The following ANAPC11 variants were observed in gnomAD, a reference collection of about 807,000 sequenced individuals.
ANAPC11 encodes anaphase promoting complex subunit 11.
ANAPC11 carries 5 observed loss-of-function variants against 11.8 expected under a neutral mutation model. The observed-to-expected ratio is 0.42, with a 90% confidence interval of 0.22 to 0.89. The LOEUF is 0.89. Ranked by LOEUF, ANAPC11 falls within the 40% of genes least tolerant of loss-of-function variation. The probability of loss-of-function intolerance (pLI) is 0.28; values close to 1 mark genes in which losing one functional copy is unlikely to be tolerated. For synonymous variants in ANAPC11, 45 were observed against 41.0 expected, an observed-to-expected ratio of 1.10 and a Z score of -0.38; for missense variants, 68 against 112.9, an observed-to-expected ratio of 0.60 and a Z score of 1.80.
intron 1 of ANAPC11, among the ~76,000 whole-genome samples, chr17:81,892,514 C>T (rs2039576537): frequency 6.7e-6 from 1 of 148,934 alleles, no homozygotes; most frequent in Non-Finnish European, 1.5e-5. Context: ...ACCAGTGTGC[C>T]ATTTCATTGA....
chr17:81,894,706 T>A, intron 3 of ANAPC11, 120 bp downstream of exon 3: 1 of 478,144 alleles, frequency 2.1e-6, no homozygotes, highest in Non-Finnish European at 3.5e-6. Flanking sequence ...AAATACCCAG[T>A]TTCATTTTCT....
At chr17:81,895,957 T>G (rs911820004) in intron 3 of ANAPC11, among the ~76,000 whole-genome samples, 1 of 151,848 alleles carries the variant, frequency 6.6e-6, no homozygotes, top group Non-Finnish European at 1.5e-5. Flanking sequence ...AAAAAAAGAT[T>G]AGTTTAAACT....
At chr17:81,891,223 C>T, upstream of ANAPC11, 1 of 1,027,624 alleles carries the variant, frequency 9.7e-7, no homozygotes, top group South Asian at 3.5e-5. Flanking sequence ...CTCCACCAGC[C>T]TTATCCACCC....
At chr17:81,893,871 A>G (rs2039640208) in intron 2 of ANAPC11, among the ~76,000 whole-genome samples, 1 of 148,892 alleles carries the variant, frequency 6.7e-6, no homozygotes, top group African/African-American at 2.5e-5. Context: ...TGCTGGGATC[A>G]CAGGTGTGAG....
chr17:81,899,507 A>G (rs2039864909), intron 3 of ANAPC11: 2 of 1,613,846 alleles, frequency 1.2e-6, no homozygotes, highest in African/African-American at 2.7e-5. Flanking sequence ...TTGGCATCAC[A>G]GATCAAGTGT....
At chr17:81,899,371 G>A (rs1176033809) in intron 3 of ANAPC11, 1 of 1,613,856 alleles carries the variant, frequency 6.2e-7, no homozygotes, top group Non-Finnish European at 8.5e-7. Flanking sequence ...CAGCACACCG[G>A]ATCCCTGATG....
rs938872984 is a variant in ANAPC11, at chr17:81,899,754, A to G, written c.110-166A>G. 7 of 958,508 alleles carry G rather than the reference A, an allele frequency of 7.3e-6. No homozygotes were observed. The Admixed American group carries it at 8.6e-5, about 12-fold the overall frequency. The allele number at this position is 958,508 out of a possible 1,614,324, so 59.4% of individuals were successfully genotyped here. A position where few individuals can be genotyped will look rare whatever the true frequency, so the allele number is the denominator to read the frequency against. On this transcript the variant is annotated intron_variant, in intron 3 of 3. Coordinates refer to ENST00000344877, the MANE Select transcript of ANAPC11 (RefSeq NM_001002248.3). Reference sequence around the variant, plus strand: ...GTCTTCGCCTGGGGGCGGGCTGGTCAGGAGACCGATTGGGTAACACTCCTG... The same window carrying G: ...GTCTTCGCCTGGGGGCGGGCTGGTCGGGAGACCGATTGGGTAACACTCCTG...
Position 81,891,778 on chromosome 17 carries a change from T to G in ANAPC11, c.-138T>G. The G allele has an allele frequency of 3.1e-6, 1 of 324,952 alleles. No individual in the cohort carries two copies. Among genetic ancestry groups the G allele is most frequent in the Non-Finnish European group, 5.3e-6 (1 of 189,658 alleles). The allele number at this position is 324,952 out of a possible 1,614,324, so 20.1% of individuals were successfully genotyped here. The stretch of plus-strand genomic sequence containing the variant: ...GCTGTTGAGGGAGTCGGGCCGCGAC[T>G]GTGGTCGTTTTTATACCTTCCCGCG... On this transcript the variant is annotated 5_prime_UTR_variant, in exon 1 of 4. Coordinates refer to ENST00000344877, the MANE Select transcript of ANAPC11 (RefSeq NM_001002248.3).
intron 1 of ANAPC11, chr17:81,893,273 T>C (rs1312495765): frequency 6.6e-6 from 1 of 152,208 alleles, no homozygotes; most frequent in Admixed American, 6.5e-5. Flanking sequence ...TTTGTATTTT[T>C]AGTAGAGACA....
At chr17:81,896,675 T>G (rs926610694) in intron 3 of ANAPC11, among the ~76,000 whole-genome samples, 1 of 152,076 alleles carries the variant, frequency 6.6e-6, no homozygotes, top group African/African-American at 2.4e-5. Flanking sequence ...GCCAGGTGCA[T>G]GCCCATATTG....
chr17:81,899,777 C>G, intron 3 of ANAPC11, 143 bp from the exon 4 acceptor site: 2 of 1,005,708 alleles, frequency 2.0e-6, no homozygotes, highest in South Asian at 1.7e-5. Flanking sequence ...GGTAACACTC[C>G]TGATTTCGGC....
At chr17:81,891,629 C>G (rs762748230), upstream of ANAPC11, 60 of 1,331,312 alleles carry the variant, frequency 4.5e-5, no homozygotes, top group Non-Finnish European at 5.6e-5. Flanking sequence ...TCCGGCGCCG[C>G]GTGAGGCCTT....
rs1159628815 is a variant in ANAPC11, at chr17:81,891,737, G to C, written c.-179G>C. 1.9e-6 allele frequency: 1 copy of C among 540,058 alleles called. No individual in the cohort carries two copies. Among genetic ancestry groups the C allele is most frequent in the African/African-American group, 2.1e-5 (1 of 47,934 alleles). 33.5% of individuals were successfully genotyped at this position (540,058 alleles called of 1,614,324 possible). ...CGGGGAGGCGCGTGCGCACTGGCGT[G>C]CGAGACTCGGCGGGCGCTGTTGAGG... On this transcript the variant is annotated 5_prime_UTR_variant, in exon 1 of 4. Transcript: ENST00000344877.
intron 3 of ANAPC11, chr17:81,899,642 G>T: frequency 7.4e-7 from 1 of 1,354,964 alleles, no homozygotes; most frequent in Non-Finnish European, 1.0e-6. Flanking sequence ...GCTCCCCACT[G>T]AGCATGATGA....
chr17:81,893,259 A>C (rs1486340785), intron 1 of ANAPC11: 1 of 151,940 alleles, frequency 6.6e-6, no homozygotes, highest in Non-Finnish European at 1.5e-5. Flanking sequence ...CACCCGGCTA[A>C]TTTTTTGTAT....
chr17:81,896,868 A>G (rs569526408), intron 3 of ANAPC11, among the ~76,000 whole-genome samples: 300 of 122,100 alleles, frequency 2.5e-3, no homozygotes, highest in African/African-American at 9.2e-3. Flanking sequence ...ACTGGAGTGC[A>G]ATGGCACCAT....
At chr17:81,891,206 G>C, upstream of ANAPC11, 1 of 781,120 alleles carries the variant, frequency 1.3e-6, no homozygotes, top group Non-Finnish European at 1.6e-6. Context: ...GGACCTCCGG[G>C]CGGCCGCTCC....
chr17:81,899,461 C>T (rs199541249), intron 3 of ANAPC11: 63 of 1,614,008 alleles, frequency 3.9e-5, no homozygotes, highest in East Asian at 2.5e-4. Context: ...CTCAGATGCA[C>T]GTCTCCTTGG....
At chr17:81,891,156 C>T (rs1713457205), upstream of ANAPC11, among the ~76,000 whole-genome samples, 1 of 149,474 alleles carries the variant, frequency 6.7e-6, no homozygotes, top group African/African-American at 2.5e-5. Context: ...AACGACCTCG[C>T]TCCCGCCCAC....
Sources: allele counts gnomAD v4.1 joint callset (sites outside exome capture counted in the v4.1 genomes callset), GRCh38; gene constraint gnomAD v4.1.1; transcripts MANE v1.5; gene names NCBI Gene and HGNC (gene_info 2026-07-23, HGNC 2026-07-21).